Variants in GALNT15 observed in about 807,000 individuals in gnomAD.
The protein encoded by GALNT15 is polypeptide N-acetylgalactosaminyltransferase 15.
Under a neutral mutation model 66.8 loss-of-function variants are expected in GALNT15, and 67 were observed. That is an observed-to-expected ratio of 1.00 (90% CI 0.82 to 1.23). The LOEUF (loss-of-function observed/expected upper bound fraction) is 1.23, where lower values mean the gene tolerates loss of function less well. GALNT15 is among the 50% of genes most tolerant of loss of function. The pLI, the probability that GALNT15 is intolerant of heterozygous loss-of-function variation, is 0.00. For missense variants in GALNT15, 827 were observed against 804.3 expected, an observed-to-expected ratio of 1.03 and a Z score of -0.34; for synonymous variants, 313 against 311.5, an observed-to-expected ratio of 1.00 and a Z score of -0.05.
chr3:16,225,150 G>C lies in GALNT15; in HGVS notation c.1774-2204G>C, dbSNP rs184498766. Among the ~76,000 whole-genome samples the C allele has an allele frequency of 2.5e-4, 38 of 152,068 alleles. No individual in the cohort carries two copies. The highest frequency in any genetic ancestry group is 1.9e-3 in the Admixed American group (29 of 15,270). On this transcript the variant is annotated intron_variant, in intron 9 of 9. Coordinates refer to ENST00000339732, the MANE Select transcript of GALNT15 (RefSeq NM_054110.5). This position sits in a 1 kb window ranked among gnomAD's most constrained non-coding sequence, Gnocchi z 4.4. ...AAGCAGGAACAAGAGAAAGAGAGTG[G>C]GGGAGGGGGTGCCACACACTCTTAA...
At position 16,175,699 on chromosome 3, in the gene GALNT15, GGCCCTT is replaced by G; in HGVS notation, c.539+11_539+16del. On this transcript the variant is annotated intron_variant, in intron 1 of 9. Coordinates refer to ENST00000339732, the MANE Select transcript of GALNT15 (RefSeq NM_054110.5). This position sits in a 1 kb window ranked among gnomAD's most constrained non-coding sequence, Gnocchi z 5.6. ...GAGGTGCGGCACCCACTGTAAGTAA[GGCCCTT>G]GTTTTCCCTTCCCTGATCCCAGGGC... The G allele has an allele frequency of 6.4e-7, 1 of 1,553,874 alleles. No homozygotes were observed. The highest frequency in any genetic ancestry group is 8.7e-7 in the Non-Finnish European group (1 of 1,150,838).
intron 3 of GALNT15, among the ~76,000 whole-genome samples, chr3:16,201,296 T>C (rs536704439): frequency 1.6e-3 from 240 of 152,108 alleles, no homozygotes; most frequent in South Asian, 7.3e-3. Flanking sequence ...ATTCTCCTGC[T>C]TCAGCCTCCC....
At position 16,228,048 on chromosome 3, in the gene GALNT15, G is replaced by T. The variant is rs842280; in HGVS notation, c.*548G>T. On this transcript the variant is annotated 3_prime_UTR_variant, in exon 10 of 10. Transcript: ENST00000339732. The stretch of plus-strand genomic sequence containing the variant: ...AAGGAAAGGGAGCTACAGAAAGGAG[G>T]TTTAGGATTGCAGAGAAGATGCAAG... 0.06 allele frequency: 59,487 copies of T among 986,822 alleles called. 1,891 individuals are homozygous for T. The highest frequency in any genetic ancestry group is 0.081 in the African/African-American group (4,669 of 57,334). 61.1% of individuals were successfully genotyped at this position (986,822 alleles called of 1,614,324 possible). A position where few individuals can be genotyped will look rare whatever the true frequency, so the allele number is the denominator to read the frequency against.
At chr3:16,230,716 C>A (rs918337867), downstream of GALNT15, among the ~76,000 whole-genome samples, 1 of 152,194 alleles carries the variant, frequency 6.6e-6, no homozygotes, top group Non-Finnish European at 1.5e-5. The surrounding 1 kb of genome is among the most constrained non-coding windows in gnomAD (Gnocchi z 4.5). Context: ...GTTGTTCTTT[C>A]GAAGTTCTTT....
In GALNT15 at chr3:16,207,557, T is replaced by A. The variant is rs1417948857; in HGVS notation, c.912-946T>A. 2.5e-3 allele frequency among the ~76,000 whole-genome samples: 7 copies of A among 2,848 alleles called. 3 individuals carry two copies. Among genetic ancestry groups the A allele is most frequent in the East Asian group, 0.015 (2 of 136 alleles). 1.9% of individuals were successfully genotyped at this position (2,848 alleles called of 152,430 possible). A position where few individuals can be genotyped will look rare whatever the true frequency, so the allele number is the denominator to read the frequency against. On this transcript the variant is annotated intron_variant, in intron 3 of 9. Transcript: ENST00000339732. ...AAAAAAAAAAAATTGGGCCTAAAAT[T>A]CCCCACCATTACCGGGAAATGAGCA... is the stretch of plus-strand genomic sequence containing the variant.
the GALNT15 span, among the ~76,000 whole-genome samples, chr3:16,243,767 G>A: frequency 6.6e-6 from 1 of 152,220 alleles, no homozygotes. Flanking sequence ...ATTGTGGGAA[G>A]AACAGAGCAG....
chr3:16,225,990 A>G lies in GALNT15; in HGVS notation c.1774-1364A>G, dbSNP rs1161246445. On this transcript the variant is annotated intron_variant, in intron 9 of 9. Coordinates refer to ENST00000339732, the MANE Select transcript of GALNT15 (RefSeq NM_054110.5). The surrounding 1 kb of genome is among the most constrained non-coding windows in gnomAD (Gnocchi z 4.4). ...CTTGAACCTGGGAGATGGAGGTTGC[A>G]ATGAGCCGAGATCACACCACTGTAC... 1.3e-5 allele frequency among the ~76,000 whole-genome samples: 2 copies of G among 151,158 alleles called. No homozygotes were observed. The highest frequency in any genetic ancestry group is 3.0e-5 in the Non-Finnish European group (2 of 67,730).
rs533662265 is a variant in GALNT15 at position 16,200,547 on chromosome 3, C to T, written c.707-72C>T. The T allele has an allele frequency of 3.1e-4, 381 of 1,234,736 alleles. 1 individual carries two copies. The African/African-American group carries it at 4.8e-3, about 15-fold the overall frequency. 76.5% of individuals were successfully genotyped at this position (1,234,736 alleles called of 1,614,324 possible). On this transcript the variant is annotated intron_variant, in intron 2 of 9. Coordinates refer to ENST00000339732, the MANE Select transcript of GALNT15 (RefSeq NM_054110.5). The surrounding 1 kb of genome is among the most constrained non-coding windows in gnomAD (Gnocchi z 4.4). Reference sequence around the variant, plus strand: ...ACAGCTTCCAAAAGAGAGTTGCTGACGATTGTCTTAGTCACAATCTCATCG... The same window carrying T: ...ACAGCTTCCAAAAGAGAGTTGCTGATGATTGTCTTAGTCACAATCTCATCG...
At chr3:16,178,464 C>T (rs1428003831) in intron 1 of GALNT15, among the ~76,000 whole-genome samples, 2 of 152,294 alleles carry the variant, frequency 1.3e-5, no homozygotes, top group Admixed American at 1.3e-4. Flanking sequence ...CCCCAGCTTG[C>T]CAGGGTTCTC....
Position 16,200,752 on chromosome 3 carries a change from C to T in GALNT15, c.840C>T (p.Val280=), listed in dbSNP as rs777370991. 5.6e-6 allele frequency: 9 copies of T among 1,612,874 alleles called. No individual in the cohort carries two copies. In the South Asian group the frequency reaches 9.9e-5, roughly 18 times the overall value. ...GATRATGDVL[V]FMDAHCECHP... ...CCAGAGCCACCGGGGATGTGCTCGTCTTCATGGATGCCCACTGCGAGTGCC... is the reference window on the plus strand; with the variant it reads ...CCAGAGCCACCGGGGATGTGCTCGTTTTCATGGATGCCCACTGCGAGTGCC... The change falls in exon 3 of 10, where the codon GTC becomes GTT. Residue 280 remains valine, a synonymous_variant. Coordinates refer to ENST00000339732, the MANE Select transcript of GALNT15 (RefSeq NM_054110.5). The surrounding 1 kb of genome is among the most constrained non-coding windows in gnomAD (Gnocchi z 4.4).
At chr3:16,213,040 G>A (rs993660562) in intron 6 of GALNT15, among the ~76,000 whole-genome samples, 3 of 152,312 alleles carry the variant, frequency 2.0e-5, no homozygotes, top group Middle Eastern at 3.4e-3. Context: ...CTGGGGCCAG[G>A]GGAGGGGTTG....
intron 3 of GALNT15, among the ~76,000 whole-genome samples, chr3:16,207,893 G>A (rs2063774346): frequency 1.3e-5 from 2 of 152,158 alleles, no homozygotes; most frequent in South Asian, 2.1e-4. Flanking sequence ...TTGCAGCTGA[G>A]AAAGGCCTTT....
Position 16,190,506 on chromosome 3 carries a change from C to T in GALNT15, c.540-5254C>T, listed in dbSNP as rs183385459. ...ACAAAAAATTAGCCGGGCGTGGTGG[C>T]GGGCGCCTGTAGTCCCAGCTACTCA... is the stretch of plus-strand genomic sequence containing the variant. On this transcript the variant is annotated intron_variant, in intron 1 of 9. Transcript: ENST00000339732. Among the ~76,000 whole-genome samples the T allele has an allele frequency of 4.3e-3, 653 of 152,116 alleles. 3 individuals carry two copies. The highest frequency in any genetic ancestry group is 0.015 in the African/African-American group (623 of 41,532).
At chr3:16,226,899 G>A (rs1176433024) in intron 9 of GALNT15, among the ~76,000 whole-genome samples, 6 of 152,318 alleles carry the variant, frequency 3.9e-5, no homozygotes, top group African/African-American at 1.4e-4. Context: ...AACATGGCTG[G>A]TTTAGCCCTT....
rs1178158364 is a variant in GALNT15, at chr3:16,184,134, C to T, written c.539+8444C>T. 1.3e-5 allele frequency among the ~76,000 whole-genome samples: 2 copies of T among 152,152 alleles called. No individual in the cohort carries two copies. Among genetic ancestry groups the T allele is most frequent in the African/African-American group, 4.8e-5 (2 of 41,416 alleles). On this transcript the variant is annotated intron_variant, in intron 1 of 9. Transcript: ENST00000339732. The surrounding 1 kb of genome is among the most constrained non-coding windows in gnomAD (Gnocchi z 5.0). ...CCAAAGCCCTTGGTTGTTCCTGTCC[C>T]GCTGCTCCCACTCAAAGGATGAACA...
chr3:16,240,076 C>G, the GALNT15 span, among the ~76,000 whole-genome samples: 1 of 152,184 alleles, frequency 6.6e-6, no homozygotes, highest in Non-Finnish European at 1.5e-5. Flanking sequence ...AAGGTAATGG[C>G]ATCTGGCCGA....
intron 3 of GALNT15, among the ~76,000 whole-genome samples, chr3:16,202,945 A>T (rs1035187934): frequency 6.6e-6 from 1 of 152,254 alleles, no homozygotes; most frequent in African/African-American, 2.4e-5. Context: ...TTATGCAGAC[A>T]TTTAGAAATG....
chr3:16,243,909 G>T, the GALNT15 span: 4 of 692,586 alleles, frequency 5.8e-6, no homozygotes, highest in Non-Finnish European at 7.1e-6. Flanking sequence ...GCCACAGATT[G>T]ACCTTGTCTG....
At chr3:16,247,153 T>C in the GALNT15 span, among the ~76,000 whole-genome samples, 4 of 151,656 alleles carry the variant, frequency 2.6e-5, no homozygotes, top group African/African-American at 9.7e-5. Context: ...TAAGACCTTC[T>C]GCTAAAGGAT....
Sources: allele counts gnomAD v4.1 joint callset (sites outside exome capture counted in the v4.1 genomes callset), GRCh38; gene constraint gnomAD v4.1.1; non-coding constraint Gnocchi (gnomAD v3.1); transcripts MANE v1.5; gene names NCBI Gene and HGNC (gene_info 2026-07-23, HGNC 2026-07-21).